The following CEACAM7 variants were observed in gnomAD, a reference collection of about 807,000 sequenced individuals.
CEACAM7 encodes the protein CEA cell adhesion molecule 7.
In CEACAM7, 24 loss-of-function variants were observed where a neutral mutation model predicts 25.7. The observed-to-expected ratio is 0.93, with a 90% CI of 0.68 to 1.31. The LOEUF (loss-of-function observed/expected upper bound fraction) is 1.31. CEACAM7 is among the 40% of genes most tolerant of loss of function. The pLI is 0.00. For missense variants in CEACAM7, 324 were observed against 330.1 expected (o/e 0.98, Z 0.14); for synonymous variants, 144 against 129.4 (o/e 1.11, Z -0.77).
At chr19:41,677,134 A>G (rs1259991828) in intron 4 of CEACAM7, among the ~76,000 whole-genome samples, 1 of 152,230 alleles carries the variant, frequency 6.6e-6, no homozygotes, top group African/African-American at 2.4e-5. Context: ...TTCACAATGT[A>G]TTGAATTGGG....
At chr19:41,687,294 T>G in intron 1 of CEACAM7, 73 bp from the exon 2 acceptor site, 1 of 1,477,228 alleles carries the variant, frequency 6.8e-7, no homozygotes, top group Non-Finnish European at 9.1e-7. Context: ...CCCTGGATCC[T>G]GAGCAGGTCT....
At chr19:41,679,528 A>G (rs2072150566) in intron 3 of CEACAM7, among the ~76,000 whole-genome samples, 1 of 152,248 alleles carries the variant, frequency 6.6e-6, no homozygotes, top group Admixed American at 6.5e-5. Flanking sequence ...AAGAATGCCT[A>G]GTTTTACCAC....
intron 2 of CEACAM7, 143 bp downstream of exon 2, chr19:41,686,716 A>G: frequency 2.4e-6 from 2 of 841,258 alleles, no homozygotes; most frequent in Non-Finnish European, 3.6e-6. Context: ...TGTCTCCCCC[A>G]TGTGTGTCCT....
At chr19:41,686,739 C>G in intron 2 of CEACAM7, 120 bp downstream of exon 2, 1 of 1,172,944 alleles carries the variant, frequency 8.5e-7, no homozygotes, top group Non-Finnish European at 1.2e-6. Context: ...ACTAAATGCC[C>G]AAACTCCAAC....
rs570469270 is a variant in CEACAM7 at position 41,675,405 on chromosome 19, A to T, written c.*37-666T>A. Among the ~76,000 whole-genome samples, 24 of 152,346 alleles carry T rather than the reference A, an allele frequency of 1.6e-4. 1 individual carries two copies. The South Asian group carries it at 5.0e-3, about 32-fold the overall frequency. ...ACAAAACATTTAAAGAATCATCAAAACTTCAACTAAAAATTCATAAAAACA... is the reference window on the plus strand; with the variant it reads ...ACAAAACATTTAAAGAATCATCAAATCTTCAACTAAAAATTCATAAAAACA... On this transcript the variant is annotated intron_variant, in intron 4 of 4. Coordinates refer to ENST00000401731, the MANE Select transcript of CEACAM7 (RefSeq NM_001291485.2).
rs144167634 is a variant in CEACAM7 at position 41,684,171 on chromosome 19, CT to C, written c.428-109del. The C allele has an allele frequency of 4.5e-3, 5,310 of 1,190,618 alleles. 79 individuals are homozygous for C. In the African/African-American group the frequency reaches 0.056, roughly 13 times the overall value. 73.8% of individuals were successfully genotyped at this position (1,190,618 alleles called of 1,614,324 possible). Reference sequence around the variant, plus strand: ...TCCCACCTCTAAGCCCACTCAAGTCCTTAAAAGCCCACAGAAGGTGTGTGTA... The same window carrying C: ...TCCCACCTCTAAGCCCACTCAAGTCCTAAAAGCCCACAGAAGGTGTGTGTA... On this transcript the variant is annotated intron_variant, in intron 2 of 4. Transcript: ENST00000401731.
chr19:41,684,588 A>C (rs1390970801), intron 2 of CEACAM7, among the ~76,000 whole-genome samples: 1 of 152,186 alleles, frequency 6.6e-6, no homozygotes, highest in East Asian at 1.9e-4. Flanking sequence ...CTCAGACTGC[A>C]GGGCCTCCAG....
intron 2 of CEACAM7, among the ~76,000 whole-genome samples, chr19:41,684,941 CAG>C (rs1182507483): frequency 6.6e-6 from 1 of 152,182 alleles, no homozygotes; most frequent in Non-Finnish European, 1.5e-5. Context: ...CTAAACTAGG[CAG>C]AGTCTAAGTG....
At chr19:41,686,224 T>G (rs1053634315) in intron 2 of CEACAM7, among the ~76,000 whole-genome samples, 49 of 152,240 alleles carry the variant, frequency 3.2e-4, no homozygotes, top group African/African-American at 1.2e-3. Flanking sequence ...CTCTCTTAAG[T>G]TCCTCATCCA....
At position 41,673,413 on chromosome 19, in the gene CEACAM7, T is replaced by C. The variant is rs1178507468; in HGVS notation, c.*1363A>G. ...AATACAACAGTAGAACAGTGGGTTT[T>C]GTAAAATGGGAATCCAGGAACAGAA... On this transcript the variant is annotated 3_prime_UTR_variant, in exon 5 of 5. Transcript: ENST00000401731. 6.6e-6 allele frequency: 1 copy of C among 152,258 alleles called. No homozygotes were observed. The highest frequency in any genetic ancestry group is 1.5e-5 in the Non-Finnish European group (1 of 68,040). 9.4% of individuals were successfully genotyped at this position (152,258 alleles called of 1,614,324 possible).
intron 4 of CEACAM7, 38 bp downstream of exon 4, chr19:41,677,338 G>T: frequency 1.8e-6 from 2 of 1,127,944 alleles, no homozygotes; most frequent in Non-Finnish European, 2.7e-6. Flanking sequence ...AGTCAGCCCT[G>T]CAGGAAATAG....
chr19:41,677,273 G>A, intron 4 of CEACAM7, 103 bp downstream of exon 4: 1 of 614,952 alleles, frequency 1.6e-6, no homozygotes, highest in Non-Finnish European at 2.9e-6. Flanking sequence ...GGGAGGAGGA[G>A]GAGATCTAGT....
At chr19:41,680,636 T>C (rs1555810581) in intron 3 of CEACAM7, among the ~76,000 whole-genome samples, 1 of 152,144 alleles carries the variant, frequency 6.6e-6, no homozygotes, top group Non-Finnish European at 1.5e-5. Flanking sequence ...TTGACAAGGG[T>C]ACCAAGACCA....
chr19:41,685,426 A>T (rs1568689126), intron 2 of CEACAM7, among the ~76,000 whole-genome samples: 1 of 151,836 alleles, frequency 6.6e-6, no homozygotes, highest in Non-Finnish European at 1.5e-5. Context: ...GGGGCAGGGG[A>T]TGAGAGAGGT....
chr19:41,682,030 C>T (rs538510995), intron 3 of CEACAM7, among the ~76,000 whole-genome samples: 6 of 152,260 alleles, frequency 3.9e-5, no homozygotes, highest in East Asian at 3.9e-4. Context: ...ACTGGAGCCT[C>T]GACATTCTGG....
Position 41,687,319 on chromosome 19 carries a change from A to G in CEACAM7, c.65-98T>C, listed in dbSNP as rs541143494. 1.3e-5 allele frequency: 16 copies of G among 1,240,422 alleles called. No homozygotes were observed. In the Admixed American group the frequency reaches 2.3e-4, roughly 17 times the overall value. The allele number at this position is 1,240,422 out of a possible 1,614,324, so 76.8% of individuals were successfully genotyped here. On this transcript the variant is annotated intron_variant, in intron 1 of 4. Coordinates refer to ENST00000401731, the MANE Select transcript of CEACAM7 (RefSeq NM_001291485.2). ...TGAGCAGGTCTCTTCACCCACCCCC[A>G]TCTTGAAGTAAGTGTGTGTGTGTGT...
At chr19:41,679,452 C>A (rs970437053) in intron 3 of CEACAM7, among the ~76,000 whole-genome samples, 3 of 152,052 alleles carry the variant, frequency 2.0e-5, no homozygotes, top group Admixed American at 6.5e-5. Flanking sequence ...ATCTGAAAAG[C>A]CCAACGCTAA....
intron 3 of CEACAM7, among the ~76,000 whole-genome samples, chr19:41,678,295 A>C (rs1555810341): frequency 2.0e-5 from 3 of 147,946 alleles, no homozygotes; most frequent in African/African-American, 7.7e-5. Context: ...CTTTTTGTGT[A>C]ATGCCTGTTT....
At chr19:41,687,640 C>T (rs951870937) in intron 1 of CEACAM7, among the ~76,000 whole-genome samples, 1 of 152,242 alleles carries the variant, frequency 6.6e-6, no homozygotes, top group African/African-American at 2.4e-5. Flanking sequence ...AGAGCGTGAG[C>T]TCTGTGAGGG....
Sources: allele counts gnomAD v4.1 joint callset (sites outside exome capture counted in the v4.1 genomes callset), GRCh38; gene constraint gnomAD v4.1.1; transcripts MANE v1.5; gene names NCBI Gene and HGNC (gene_info 2026-07-23, HGNC 2026-07-21).